The following MACROD2 variants were observed in gnomAD, a reference collection of about 807,000 sequenced individuals.
MACROD2 encodes the protein mono-ADP ribosylhydrolase 2, also known as ADP-ribose glycohydrolase MACROD2.
Under a neutral mutation model 70.4 loss-of-function variants are expected in MACROD2, and 36 were observed. The ratio of observed to expected loss-of-function variants is 0.51; its 90% CI spans 0.39 to 0.68. The LOEUF is 0.68. Among genes scored for constraint, MACROD2 ranks in the 30% least tolerant of loss-of-function variants. The pLI, the probability that MACROD2 is intolerant of heterozygous loss-of-function variation, is 0.00. For synonymous variants in MACROD2, 172 were observed against 178.8 expected, an observed-to-expected ratio of 0.96 and a Z score of 0.30; for missense variants, 496 against 538.4, an observed-to-expected ratio of 0.92 and a Z score of 0.78.
At chr20:15,940,611 A>G (rs2065737904) in intron 12 of MACROD2, among the ~76,000 whole-genome samples, 1 of 152,220 alleles carries the variant, frequency 6.6e-6, no homozygotes, top group Non-Finnish European at 1.5e-5. Flanking sequence ...ACATTGAGGC[A>G]AGACCCTAAC....
intron 3 of MACROD2, among the ~76,000 whole-genome samples, chr20:14,210,810 T>C (rs1295232162): frequency 1.3e-5 from 2 of 152,138 alleles, no homozygotes; most frequent in African/African-American, 2.4e-5. Flanking sequence ...GAAAAGAAGC[T>C]CTAAGCTTTG....
At chr20:15,767,343 C>T (rs751475465) in intron 8 of MACROD2, among the ~76,000 whole-genome samples, 4 of 151,910 alleles carry the variant, frequency 2.6e-5, no homozygotes, top group Non-Finnish European at 5.9e-5. Flanking sequence ...GTCTGTGCAC[C>T]GCATGATGCA....
chr20:15,134,594 A>G (rs1470767716), intron 5 of MACROD2, among the ~76,000 whole-genome samples: 4 of 152,078 alleles, frequency 2.6e-5, no homozygotes, highest in Non-Finnish European at 5.9e-5. Flanking sequence ...TTATAGCACT[A>G]AATGCCCACA....
At chr20:14,640,563 A>G (rs1161492949) in intron 4 of MACROD2, among the ~76,000 whole-genome samples, 1 of 152,134 alleles carries the variant, frequency 6.6e-6, no homozygotes, top group African/African-American at 2.4e-5. Context: ...TCACCCCATA[A>G]TCTTCATCAG....
chr20:15,805,315 C>G (rs569353090), intron 8 of MACROD2, among the ~76,000 whole-genome samples: 7 of 152,180 alleles, frequency 4.6e-5, no homozygotes, highest in Middle Eastern at 3.4e-3. Flanking sequence ...AAATGATCCT[C>G]GCTTTTGTCT....
At chr20:14,637,562 G>A (rs1250916218) in intron 4 of MACROD2, among the ~76,000 whole-genome samples, 3 of 152,132 alleles carry the variant, frequency 2.0e-5, no homozygotes, top group African/African-American at 4.8e-5. Flanking sequence ...AAGCCTAATC[G>A]TGCCTTCTGT....
chr20:14,325,458 T>C, intron 3 of MACROD2: 1 of 1,284,110 alleles, frequency 7.8e-7, no homozygotes, highest in Non-Finnish European at 1.1e-6. Context: ...TTTTTTTCAG[T>C]CTCTTTTTCC....
At chr20:15,501,041 G>T (rs2047358494) in intron 8 of MACROD2, among the ~76,000 whole-genome samples, 1 of 152,108 alleles carries the variant, frequency 6.6e-6, no homozygotes, top group Admixed American at 6.6e-5. Flanking sequence ...ATCTGCATTT[G>T]CCTTCAAAAG....
chr20:14,743,153 T>C (rs2071755937), intron 5 of MACROD2, among the ~76,000 whole-genome samples: 1 of 152,156 alleles, frequency 6.6e-6, no homozygotes, highest in Non-Finnish European at 1.5e-5. Flanking sequence ...GCTAATTTCT[T>C]CAATGAAATT....
At chr20:14,282,479 C>T (rs1314388957) in intron 3 of MACROD2, among the ~76,000 whole-genome samples, 1 of 152,098 alleles carries the variant, frequency 6.6e-6, no homozygotes, top group Non-Finnish European at 1.5e-5. Context: ...CTTCTTACAG[C>T]CTGATGGGTG....
intron 15 of MACROD2, among the ~76,000 whole-genome samples, chr20:15,999,768 G>A (rs1601300260): frequency 6.6e-6 from 1 of 152,064 alleles, no homozygotes; most frequent in South Asian, 2.1e-4. Context: ...GGTCTATTTT[G>A]TCTAGTGTAA....
At chr20:14,955,731 A>C (rs141493233) in intron 5 of MACROD2, among the ~76,000 whole-genome samples, 222 of 152,026 alleles carry the variant, frequency 1.5e-3, no homozygotes, top group African/African-American at 5.3e-3. Flanking sequence ...ACTGCAATGC[A>C]TTATGATTTC....
At chr20:15,164,590 G>A (rs564455988) in intron 5 of MACROD2, among the ~76,000 whole-genome samples, 67 of 152,262 alleles carry the variant, frequency 4.4e-4, no homozygotes, top group African/African-American at 1.6e-3. Context: ...TTAATGAGGT[G>A]TAAGGCTAAT....
At chr20:15,823,610 G>C (rs1476511557) in intron 8 of MACROD2, among the ~76,000 whole-genome samples, 1 of 152,176 alleles carries the variant, frequency 6.6e-6, no homozygotes, top group Non-Finnish European at 1.5e-5. Context: ...GCGTTCGTAA[G>C]TTTCCAACTA....
chr20:15,995,889 C>G (rs2066625041), intron 15 of MACROD2, among the ~76,000 whole-genome samples: 1 of 150,616 alleles, frequency 6.6e-6, no homozygotes, highest in Non-Finnish European at 1.5e-5. Flanking sequence ...ATGTGTGTGT[C>G]ACATTTTTCT....
intron 4 of MACROD2, among the ~76,000 whole-genome samples, chr20:14,520,517 C>T (rs1181255467): frequency 1.4e-5 from 2 of 147,874 alleles, no homozygotes; most frequent in Non-Finnish European, 3.0e-5. Flanking sequence ...GTTTCTACAG[C>T]TTCTTTTCTG....
intron 5 of MACROD2, among the ~76,000 whole-genome samples, chr20:15,055,254 C>G (rs1157379333): frequency 1.3e-5 from 2 of 152,034 alleles, no homozygotes. Flanking sequence ...CTGGGCTATA[C>G]CCACAAATTT....
intron 5 of MACROD2, among the ~76,000 whole-genome samples, chr20:14,940,326 C>A (rs542237753): frequency 2.7e-4 from 41 of 152,100 alleles, no homozygotes; most frequent in African/African-American, 9.9e-4. Context: ...AGAGTGACAC[C>A]CTGTCTCAAA....
chr20:14,840,972 G>A (rs559103728), intron 5 of MACROD2, among the ~76,000 whole-genome samples: 14 of 152,170 alleles, frequency 9.2e-5, no homozygotes, highest in African/African-American at 3.1e-4. Context: ...TGTATGACGT[G>A]AAACGAGTGT....
Sources: gnomAD v4.1 joint callset for allele counts (sites outside exome capture counted in the v4.1 genomes callset) on GRCh38, gnomAD v4.1.1 for gene constraint, MANE v1.5 for transcripts, NCBI Gene and HGNC (gene_info 2026-07-23, HGNC 2026-07-21) for gene names.